Variants in ZER1 observed in about 807,000 individuals in gnomAD.
ZER1 encodes zyg-11 related cell cycle regulator, also known as protein zer-1 homolog.
Under a neutral mutation model 78.8 loss-of-function variants are expected in ZER1, and 11 were observed. The ratio of observed to expected loss-of-function variants is 0.14; its 90% CI spans 0.09 to 0.23. The LOEUF is 0.23. Among genes scored for constraint, ZER1 ranks in the 10% least tolerant of loss-of-function variants. The pLI is 1.00. For missense variants in ZER1, 588 were observed against 996.9 expected, an observed-to-expected ratio of 0.59 and a Z score of 5.52; for synonymous variants, 400 against 407.0, an observed-to-expected ratio of 0.98 and a Z score of 0.21.
At chr9:128,744,435 C>T (rs533342643) in intron 8 of ZER1, among the ~76,000 whole-genome samples, 1 of 151,592 alleles carries the variant, frequency 6.6e-6, no homozygotes, top group Admixed American at 6.6e-5. Flanking sequence ...CCACCAGCCT[C>T]AGCCTCCCAA....
intron 1 of ZER1, among the ~76,000 whole-genome samples, chr9:128,762,649 T>C (rs1864086238): frequency 6.6e-6 from 1 of 152,180 alleles, no homozygotes; most frequent in Admixed American, 6.5e-5. Context: ...CGTTATTATG[T>C]TGTTGTTATA....
chr9:128,750,323 A>C (rs1235638085), intron 8 of ZER1, among the ~76,000 whole-genome samples: 1 of 152,192 alleles, frequency 6.6e-6, no homozygotes, highest in African/African-American at 2.4e-5. Flanking sequence ...AGCTGTTGGT[A>C]AGAAATCCCC....
In ZER1 at chr9:128,749,418, T is replaced by C. The variant is rs574209227; in HGVS notation, c.1359+1198A>G. On this transcript the variant is annotated intron_variant, in intron 8 of 15. Coordinates refer to ENST00000291900, the MANE Select transcript of ZER1 (RefSeq NM_006336.4). ...TTCATGCTCATGTGTGAAATGTGCC[T>C]CCCTCAAACCATGTTAGGACGTTGG... Among the ~76,000 whole-genome samples, 7 of 152,316 alleles carry C rather than the reference T, an allele frequency of 4.6e-5. No individual in the cohort carries two copies. The East Asian group carries it at 1.3e-3, about 29-fold the overall frequency.
intron 1 of ZER1, among the ~76,000 whole-genome samples, chr9:128,760,609 T>G (rs1471839837): frequency 1.3e-5 from 2 of 151,810 alleles, no homozygotes; most frequent in African/African-American, 2.4e-5. Context: ...GAGGCCAACA[T>G]AGTGAAACCC....
intron 8 of ZER1, among the ~76,000 whole-genome samples, chr9:128,750,329 T>TC (rs534520199): frequency 6.6e-6 from 1 of 152,044 alleles, no homozygotes; most frequent in Non-Finnish European, 1.5e-5. Flanking sequence ...TGGTAAGAAA[T>TC]CCCCCAGCAG....
chr9:128,759,222 G>A (rs1382836571), intron 1 of ZER1, among the ~76,000 whole-genome samples: 1 of 151,840 alleles, frequency 6.6e-6, no homozygotes, highest in Non-Finnish European at 1.5e-5. Context: ...CTAGGCTGGG[G>A]TGCAGTGGCA....
chr9:128,769,414 C>CTT (rs1017114428), intron 1 of ZER1, among the ~76,000 whole-genome samples: 1 of 145,542 alleles, frequency 6.9e-6, no homozygotes, highest in African/African-American at 2.5e-5. Context: ...TTCTTTCTTT[C>CTT]TTTTTTTTTT....
Position 128,741,583 on chromosome 9 carries a change from C to T in ZER1, c.1689G>A (p.Glu563=). Residue 563 remains glutamate (E), a synonymous_variant, in exon 11 of 16, where the codon GAG becomes GAA. Transcript: ENST00000291900. Reference sequence around the variant, plus strand: ...TCATGCCGTTGAAATTGAGGAACATCTCGCAGTTGTCAGGAGTTTCATCTG... The same window carrying T: ...TCATGCCGTTGAAATTGAGGAACATTTCGCAGTTGTCAGGAGTTTCATCTG... ...NITDETPDNC[E]MFLNFNGMKL... is the part of the protein sequence containing the mutation. 6.2e-7 allele frequency: 1 copy of T among 1,614,196 alleles called. No homozygotes were observed. The highest frequency in any genetic ancestry group is 8.5e-7 in the Non-Finnish European group (1 of 1,180,026).
chr9:128,750,940 G>C, intron 7 of ZER1, 151 bp from the exon 8 acceptor site: 1 of 1,410,292 alleles, frequency 7.1e-7, no homozygotes, highest in Non-Finnish European at 9.6e-7. Context: ...ACCAGGGTGG[G>C]GACCAAACAA....
chr9:128,772,153 G>C (rs1298304720), upstream of ZER1, among the ~76,000 whole-genome samples: 1 of 152,270 alleles, frequency 6.6e-6, no homozygotes, highest in Non-Finnish European at 1.5e-5. Context: ...CGAGGGGCCT[G>C]TTCGTGGGAC....
rs148546118 is a variant in ZER1 at position 128,758,565 on chromosome 9, T to C, written c.-94-2906A>G. ...TCCTGAGTACCTGAGACTACAGGCA[T>C]GCATCACCACACCCGGCTAATCTTT... On this transcript the variant is annotated intron_variant, in intron 1 of 15. Coordinates refer to ENST00000291900, the MANE Select transcript of ZER1 (RefSeq NM_006336.4). Among the ~76,000 whole-genome samples the C allele has an allele frequency of 3.9e-3, 592 of 152,236 alleles. 2 individuals are homozygous for C. The highest frequency in any genetic ancestry group is 0.013 in the African/African-American group (524 of 41,548).
At position 128,740,016 on chromosome 9, in the gene ZER1, C is replaced by G. The variant is rs1046742; in HGVS notation, c.1957G>C (p.Glu653Gln). 3.7e-6 allele frequency: 6 copies of G among 1,613,978 alleles called. No homozygotes were observed. The Admixed American group carries it at 1.0e-4, about 27-fold the overall frequency. Residue 653 changes from glutamate to glutamine, a missense_variant, in exon 13 of 16, where the codon GAG (glutamate) becomes CAG (glutamine). Transcript: ENST00000291900. The surrounding 1 kb of genome is among the most constrained non-coding windows in gnomAD (Gnocchi z 4.4). ...TCCTCCACCTCCTCACGCTGGGGCT[C>G]ACAGACGCCCCAGGCCTCGGGTCCA... is the stretch of plus-strand genomic sequence containing the variant. The part of the protein sequence containing the change: ...FDGPEAWGVC[E>Q]PQREEVEERM...
intron 13 of ZER1, among the ~76,000 whole-genome samples, chr9:128,737,149 A>C (rs1863112452): frequency 6.6e-6 from 1 of 151,986 alleles, no homozygotes. Context: ...GTCTCAAAAA[A>C]AAAATTTTTT....
chr9:128,758,786 C>T (rs1043163357), intron 1 of ZER1, among the ~76,000 whole-genome samples: 1 of 151,954 alleles, frequency 6.6e-6, no homozygotes, highest in African/African-American at 2.4e-5. Context: ...AAAGGATCTA[C>T]ACTGTGTCAC....
intron 1 of ZER1, among the ~76,000 whole-genome samples, chr9:128,760,100 G>A (rs1863994785): frequency 1.3e-5 from 2 of 152,048 alleles, no homozygotes; most frequent in Non-Finnish European, 1.5e-5. Context: ...GGTTGGTCTC[G>A]AACTCCTGGG....
rs1013023624 is a variant in ZER1 at position 128,753,010 on chromosome 9, A to G, written c.746+154T>C. Among the ~76,000 whole-genome samples, 47 of 152,286 alleles carry G rather than the reference A, an allele frequency of 3.1e-4. No individual in the cohort carries two copies. The highest frequency in any genetic ancestry group is 1.5e-4 in the Non-Finnish European group (10 of 68,016). On this transcript the variant is annotated intron_variant, in intron 4 of 15. Transcript: ENST00000291900. This position sits in a 1 kb window ranked among gnomAD's most constrained non-coding sequence, Gnocchi z 7.5. ...ACCCCAAACAGCCCCAATCCAGCTG[A>G]AACACTGGGTTTAAGGAATGGGACT...
intron 13 of ZER1, among the ~76,000 whole-genome samples, chr9:128,737,076 G>C (rs559779719): frequency 1.2e-4 from 19 of 152,152 alleles, no homozygotes; most frequent in African/African-American, 3.9e-4. Context: ...CCTGGGAGAC[G>C]GGGGTTGCAG....
At position 128,750,763 on chromosome 9, in the gene ZER1, G is replaced by A; in HGVS notation, c.1212C>T (p.His404=). The change falls in exon 8 of 16, where the codon CAC becomes CAT. Residue 404 remains histidine, a synonymous_variant. Transcript: ENST00000291900. The part of the protein sequence containing the change: ...LKLVITALKC[H]KYDRNIQVTG... ...TCACTTGAATGTTCCTGTCATATTTGTGGCACTTGAGGGCCGTGATGACCA... is the reference window on the plus strand; with the variant it reads ...TCACTTGAATGTTCCTGTCATATTTATGGCACTTGAGGGCCGTGATGACCA... 1 of 1,614,230 alleles carries A rather than the reference G, an allele frequency of 6.2e-7. No homozygotes were observed. Among genetic ancestry groups the A allele is most frequent in the Middle Eastern group, 1.6e-4 (1 of 6,062 alleles).
At position 128,731,354 on chromosome 9, in the gene ZER1, T is replaced by C. The variant is rs764130334; in HGVS notation, c.2284A>G (p.Met762Val). ...GGAGGCCTCTATCTAGACGTGTCCA[T>C]GTTCTCCTCTTTAAAGTTACTGCAG... ...EHCSNFKEENMDTSR is the reference protein window; with the variant it reads ...EHCSNFKEENVDTSR The change falls in exon 16 of 16, where the codon ATG becomes GTG. Residue 762 changes from methionine to valine, a missense_variant. Transcript: ENST00000291900. The C allele has an allele frequency of 6.2e-7, 1 of 1,611,984 alleles. No individual in the cohort carries two copies. The highest frequency in any genetic ancestry group is 1.1e-5 in the South Asian group (1 of 90,938).
Sources: allele counts gnomAD v4.1 joint callset (sites outside exome capture counted in the v4.1 genomes callset), GRCh38; gene constraint gnomAD v4.1.1; non-coding constraint Gnocchi (gnomAD v3.1); transcripts MANE v1.5; gene names NCBI Gene and HGNC (gene_info 2026-07-23, HGNC 2026-07-21).